The following CSMD1 variants were observed in gnomAD, a reference collection of about 807,000 sequenced individuals.
CSMD1 encodes the protein CUB and sushi domain-containing protein 1.
CSMD1 carries 213 observed loss-of-function variants against 417.5 expected under a neutral mutation model. The observed-to-expected ratio is 0.51, with a 90% CI of 0.46 to 0.57. CSMD1 has a LOEUF of 0.57. Ranked by LOEUF, CSMD1 falls within the 20% of genes least tolerant of loss-of-function variation. The pLI is 0.00. For synonymous variants in CSMD1, 2,862 were observed against 1,736.8 expected, an observed-to-expected ratio of 1.65 and a Z score of -16.11; for missense variants, 6,923 against 4,529.7, an observed-to-expected ratio of 1.53 and a Z score of -15.17.
intron 10 of CSMD1, among the ~76,000 whole-genome samples, chr8:3,523,101 T>C (rs950618395): frequency 6.6e-6 from 1 of 151,830 alleles, no homozygotes; most frequent in East Asian, 1.9e-4. Flanking sequence ...TCCAATATTA[T>C]AGTTACATCT....
intron 7 of CSMD1, among the ~76,000 whole-genome samples, chr8:3,626,074 G>C (rs912608818): frequency 1.4e-4 from 21 of 152,144 alleles, no homozygotes; most frequent in African/African-American, 5.1e-4. Flanking sequence ...TAAGAGCCTG[G>C]AGAATCGTCC....
At chr8:4,317,229 G>C (rs1398944130) in intron 3 of CSMD1, among the ~76,000 whole-genome samples, 1 of 151,744 alleles carries the variant, frequency 6.6e-6, no homozygotes, top group Non-Finnish European at 1.5e-5. Flanking sequence ...ATCTGGTAAG[G>C]TAGGCAGGGA....
chr8:4,933,936 A>G (rs1335673940), intron 1 of CSMD1, among the ~76,000 whole-genome samples: 1 of 152,208 alleles, frequency 6.6e-6, no homozygotes, highest in African/African-American at 2.4e-5. Context: ...AATAGGCAGA[A>G]TCACAATGTA....
At chr8:3,619,682 G>C (rs1254932354) in intron 7 of CSMD1, among the ~76,000 whole-genome samples, 2 of 151,128 alleles carry the variant, frequency 1.3e-5, no homozygotes, top group African/African-American at 4.9e-5. Flanking sequence ...AAGAAAAAGA[G>C]AGAATCTTAA....
At chr8:4,763,095 A>G (rs28663399) in intron 1 of CSMD1, among the ~76,000 whole-genome samples, 12,862 of 152,214 alleles carry the variant, frequency 0.084, 725 homozygotes, top group East Asian at 0.32. Context: ...AATGGACAGA[A>G]AAGATACCAA....
rs548892919 is a variant in CSMD1, at chr8:3,352,119, G to A, written c.3305-3958C>T. On this transcript the variant is annotated intron_variant, in intron 21 of 69. Coordinates refer to ENST00000635120, the MANE Select transcript of CSMD1 (RefSeq NM_033225.6). ...TGAGTCCACTTGACACCGCAGCCGT[G>A]TTGGCATCTCCAAAGGCCTACTGAG... 3.2e-4 allele frequency among the ~76,000 whole-genome samples: 48 copies of A among 152,236 alleles called. 1 individual carries two copies. The South Asian group carries it at 9.1e-3, about 29-fold the overall frequency.
chr8:4,425,166 T>G (rs113844357), intron 2 of CSMD1, among the ~76,000 whole-genome samples: 13 of 151,980 alleles, frequency 8.6e-5, no homozygotes, highest in Non-Finnish European at 1.8e-4. Context: ...AATTATTAAG[T>G]TTTATAAAAA....
chr8:4,699,930 C>A (rs1047021798), intron 1 of CSMD1, among the ~76,000 whole-genome samples: 1 of 152,176 alleles, frequency 6.6e-6, no homozygotes. Flanking sequence ...TATCTGGATA[C>A]ACAAGCTAGG....
intron 1 of CSMD1, among the ~76,000 whole-genome samples, chr8:4,769,366 G>A (rs527472488): frequency 4.1e-4 from 63 of 152,270 alleles, no homozygotes; most frequent in Middle Eastern, 3.4e-3. Context: ...TTTATTCAAT[G>A]AGGGAATTAT....
intron 26 of CSMD1, among the ~76,000 whole-genome samples, chr8:3,266,415 G>C (rs6987495): frequency 0.035 from 5,240 of 151,578 alleles, 125 homozygotes; most frequent in African/African-American, 0.064. Flanking sequence ...AGACCAGCCT[G>C]GCTAACATGG....
chr8:4,635,311 T>A lies in CSMD1; in HGVS notation c.302+2031A>T, dbSNP rs545765858. On this transcript the variant is annotated intron_variant, in intron 2 of 69. Coordinates refer to ENST00000635120, the MANE Select transcript of CSMD1 (RefSeq NM_033225.6). ...ACTCCAAAATGAAATATGTTTCTAA[T>A]TGTTCTAACTTAATATTTCCGCTGT... Among the ~76,000 whole-genome samples the A allele has an allele frequency of 2.0e-4, 30 of 152,280 alleles. No homozygotes were observed. The South Asian group carries it at 6.0e-3, about 31-fold the overall frequency.
At chr8:3,086,787 T>C (rs563412905) in intron 49 of CSMD1, among the ~76,000 whole-genome samples, 2 of 152,304 alleles carry the variant, frequency 1.3e-5, no homozygotes, top group South Asian at 4.1e-4. Context: ...ATTAATACAA[T>C]GGTAAAGAAA....
At chr8:4,196,142 T>TG (rs1799328266) in intron 3 of CSMD1, among the ~76,000 whole-genome samples, 1 of 152,124 alleles carries the variant, frequency 6.6e-6, no homozygotes, top group Non-Finnish European at 1.5e-5. Context: ...ACCCGGGAAG[T>TG]GGAGCTTGCA....
At chr8:3,327,476 A>G (rs1806609431) in intron 23 of CSMD1, among the ~76,000 whole-genome samples, 1 of 152,190 alleles carries the variant, frequency 6.6e-6, no homozygotes, top group Non-Finnish European at 1.5e-5. Flanking sequence ...CTGAGTTTAC[A>G]AGTTAATTTT....
At chr8:3,870,069 G>A (rs1585117685) in intron 5 of CSMD1, among the ~76,000 whole-genome samples, 1 of 152,072 alleles carries the variant, frequency 6.6e-6, no homozygotes, top group Non-Finnish European at 1.5e-5. Context: ...CATACCCTCT[G>A]GGTATAATGA....
intron 25 of CSMD1, among the ~76,000 whole-genome samples, chr8:3,292,652 C>T (rs1433000653): frequency 3.3e-5 from 5 of 152,240 alleles, no homozygotes; most frequent in Non-Finnish European, 7.4e-5. Flanking sequence ...ATGGCAACCC[C>T]TGCCTTTTTT....
At chr8:3,630,971 G>A (rs561221014) in intron 7 of CSMD1, among the ~76,000 whole-genome samples, 1 of 152,134 alleles carries the variant, frequency 6.6e-6, no homozygotes, top group Non-Finnish European at 1.5e-5. Flanking sequence ...AAAAGCATGG[G>A]AATCATTGAT....
intron 7 of CSMD1, among the ~76,000 whole-genome samples, chr8:3,672,434 C>G (rs988771559): frequency 1.8e-4 from 27 of 152,100 alleles, no homozygotes; most frequent in Non-Finnish European, 3.4e-4. Flanking sequence ...GTGCTGGTAT[C>G]AGAGTGTGGG....
At chr8:3,580,796 G>T (rs984449198) in intron 9 of CSMD1, among the ~76,000 whole-genome samples, 4 of 152,116 alleles carry the variant, frequency 2.6e-5, no homozygotes, top group Non-Finnish European at 5.9e-5. Flanking sequence ...GTATAAAGAA[G>T]AGTCATCTTT....
Sources: gnomAD v4.1 joint callset for allele counts (sites outside exome capture counted in the v4.1 genomes callset) on GRCh38, gnomAD v4.1.1 for gene constraint, MANE v1.5 for transcripts, NCBI Gene and HGNC (gene_info 2026-07-23, HGNC 2026-07-21) for gene names.